Variants in MAVS observed in about 807,000 individuals in gnomAD.
MAVS encodes the protein mitochondrial antiviral signaling protein.
MAVS carries 20 observed loss-of-function variants against 30.2 expected under a neutral mutation model. That is an observed-to-expected ratio of 0.66 (90% CI 0.47 to 0.96). The LOEUF is 0.96. Among genes scored for constraint, MAVS ranks in the 40% least tolerant of loss-of-function variants. The pLI is 0.00. For missense variants in MAVS, 624 were observed against 701.1 expected (o/e 0.89, Z 1.24); for synonymous variants, 278 against 293.9 (o/e 0.95, Z 0.55).
At chr20:3,864,810 C>T in intron 6 of MAVS, 22 bp downstream of exon 6, 1 of 1,605,770 alleles carries the variant, frequency 6.2e-7, no homozygotes, top group South Asian at 1.1e-5. Flanking sequence ...CCCTTCCTGG[C>T]AGGGATCCTG....
chr20:3,874,117 C>T lies in MAVS; in HGVS notation c.*7970C>T. On this transcript the variant is annotated 3_prime_UTR_variant, in exon 7 of 7. Transcript: ENST00000428216. ...TGAATGAAAATATCGCTATGCACAG[C>T]AACATGGATAAATTTCACAGACATG... The T allele has an allele frequency of 2.5e-6, 1 of 398,610 alleles. No individual in the cohort carries two copies. Among genetic ancestry groups the T allele is most frequent in the Non-Finnish European group, 4.4e-6 (1 of 226,084 alleles). The allele number at this position is 398,610 out of a possible 1,614,324, so 24.7% of individuals were successfully genotyped here.
At chr20:3,855,819 C>T (rs2089804861) in intron 2 of MAVS, among the ~76,000 whole-genome samples, 1 of 151,966 alleles carries the variant, frequency 6.6e-6, no homozygotes, top group African/African-American at 2.4e-5. Flanking sequence ...CGCTGTGTTG[C>T]CCAGGCTGCA....
chr20:3,855,320 C>T (rs2089800743), intron 2 of MAVS, among the ~76,000 whole-genome samples: 1 of 152,266 alleles, frequency 6.6e-6, no homozygotes, highest in East Asian at 1.9e-4. Flanking sequence ...GGCTCTGGTC[C>T]ACTTGCCCAC....
Position 3,874,066 on chromosome 20 carries a change from C to A in MAVS, c.*7919C>A. 5.0e-6 allele frequency: 2 copies of A among 398,448 alleles called. No homozygotes were observed. The highest frequency in any genetic ancestry group is 2.6e-4 in the South Asian group (2 of 7,836). 24.7% of individuals were successfully genotyped at this position (398,448 alleles called of 1,614,324 possible). A position where few individuals can be genotyped will look rare whatever the true frequency, so the allele number is the denominator to read the frequency against. On this transcript the variant is annotated 3_prime_UTR_variant, in exon 7 of 7. Coordinates refer to ENST00000428216, the MANE Select transcript of MAVS (RefSeq NM_020746.5). ...TGAAGCTACAGTGAAGTCACAGGGT[C>A]GAATACTACTGCACAGCAACGAATA...
chr20:3,856,421 A>G (rs1168123238), intron 2 of MAVS, among the ~76,000 whole-genome samples: 3 of 128,380 alleles, frequency 2.3e-5, no homozygotes, highest in Non-Finnish European at 4.7e-5. Context: ...CAGTGGTGCC[A>G]TCTTGGGTCA....
Position 3,865,683 on chromosome 20 carries a change from G to A in MAVS, c.1159G>A (p.Glu387Lys), listed in dbSNP as rs763818201. Residue 387 changes from glutamate (E) to lysine (K), a missense_variant and splice_region_variant, in exon 7 of 7, where the codon GAG (glutamate) becomes AAG (lysine). Glu to Lys is a moderately conservative substitution (Grantham distance 56, BLOSUM62 1). Transcript: ENST00000428216. This position sits in a 1 kb window ranked among gnomAD's most constrained non-coding sequence, Gnocchi z 4.7. ...TCCAGTGCTCTCCTTTCTTTCCCAG[G>A]AGACCCCAGCAGCTCCAACACCCGC... ...VPTDGSSRNE[E>K]TPAAPTPAGA... 1 of 1,598,082 alleles carries A rather than the reference G, an allele frequency of 6.3e-7. No individual in the cohort carries two copies. The highest frequency in any genetic ancestry group is 8.5e-7 in the Non-Finnish European group (1 of 1,171,006).
intron 2 of MAVS, among the ~76,000 whole-genome samples, chr20:3,856,104 G>A (rs183987847): frequency 1.4e-5 from 2 of 147,924 alleles, no homozygotes; most frequent in Non-Finnish European, 3.0e-5. Flanking sequence ...GCCCAGGCTG[G>A]AGTGCAGTGG....
In MAVS at chr20:3,857,752, T is replaced by A. The variant is rs11908032; in HGVS notation, c.235T>A (p.Cys79Ser). 11,234 of 1,614,206 alleles carry A rather than the reference T, an allele frequency of 7.0e-3. 630 individuals carry two copies. In the African/African-American group the frequency reaches 0.13, roughly 19 times the overall value. Residue 79 changes from cysteine to serine, a missense_variant, in exon 3 of 7, where the codon TGT becomes AGT. Physicochemically the swap from Cys to Ser is moderately radical, Grantham distance 112. Transcript: ENST00000428216. ...VEYFIAALRG[C>S]ELVDLADEVA... ...GTACTTCATTGCGGCACTGAGGGGC[T>A]GTGAGCTAGTTGATCTCGCGGACGA... is the stretch of plus-strand genomic sequence containing the variant.
intron 1 of MAVS, among the ~76,000 whole-genome samples, chr20:3,848,247 T>TCACAC: frequency 6.6e-6 from 1 of 152,168 alleles, no homozygotes; most frequent in East Asian, 1.9e-4. Flanking sequence ...TACAGGTGTG[T>TCACAC]GCCACCATGC....
intron 2 of MAVS, 149 bp downstream of exon 2, chr20:3,854,890 T>TA: frequency 3.8e-5 from 18 of 471,832 alleles, no homozygotes; most frequent in Non-Finnish European, 5.7e-5. Context: ...TTGCTGCTTT[T>TA]CTTTTTTTTT....
Position 3,866,073 on chromosome 20 carries a change from T to C in MAVS, c.1549T>C (p.Trp517Arg). ...CCACAGGCCCTCACCTGGGGCTCTGTGGCTCCAGGTGGCTGTGACAGGGGT... is the reference window on the plus strand; with the variant it reads ...CCACAGGCCCTCACCTGGGGCTCTGCGGCTCCAGGTGGCTGTGACAGGGGT... ...PCHRPSPGAL[W>R]LQVAVTGVLV... The change falls in exon 7 of 7, where the codon TGG becomes CGG. Residue 517 changes from tryptophan (W) to arginine (R), a missense_variant. By Grantham distance (101) the Trp-to-Arg change is moderately radical (BLOSUM62 -3). Coordinates refer to ENST00000428216, the MANE Select transcript of MAVS (RefSeq NM_020746.5). The C allele has an allele frequency of 6.2e-7, 1 of 1,611,388 alleles. No individual in the cohort carries two copies. Among genetic ancestry groups the C allele is most frequent in the South Asian group, 1.1e-5 (1 of 91,058 alleles).
In MAVS at chr20:3,862,342, C is replaced by T. The variant is rs1464992894; in HGVS notation, c.554C>T (p.Ala185Val). ...CCCCTGGAGTCCTCCTCTGACCTGG[C>T]AGCCCTCAGCCCTCTGACCTCCAGC... ...GGPLESSSDL[A>V]ALSPLTSSGH... is the part of the protein sequence containing the mutation. The change falls in exon 5 of 7, where the codon GCA (alanine) becomes GTA (valine). Residue 185 changes from alanine to valine, a missense_variant. Transcript: ENST00000428216. 1 of 1,614,006 alleles carries T rather than the reference C, an allele frequency of 6.2e-7. No homozygotes were observed. Among genetic ancestry groups the T allele is most frequent in the Non-Finnish European group, 8.5e-7 (1 of 1,180,028 alleles).
Position 3,865,787 on chromosome 20 carries a change from T to G in MAVS, c.1263T>G (p.Pro421=). 1.2e-6 allele frequency: 2 copies of G among 1,613,824 alleles called. No individual in the cohort carries two copies. The highest frequency in any genetic ancestry group is 2.2e-5 in the South Asian group (2 of 91,088). The change falls in exon 7 of 7, where the codon CCT becomes CCG. Residue 421 remains proline (P), a synonymous_variant. Coordinates refer to ENST00000428216, the MANE Select transcript of MAVS (RefSeq NM_020746.5). The surrounding 1 kb of genome is among the most constrained non-coding windows in gnomAD (Gnocchi z 4.7). ...GCCTTGGGTCGGAGCTGAGTAAGCC[T>G]GGCGTGCTGGCATCCCAGGTAGACA... ...NRGLGSELSK[P]GVLASQVDSP...
intron 1 of MAVS, among the ~76,000 whole-genome samples, chr20:3,851,282 T>G (rs2089757526): frequency 6.6e-6 from 1 of 150,642 alleles, no homozygotes; most frequent in Non-Finnish European, 1.5e-5. Flanking sequence ...GAACCGAGAT[T>G]ACGCCACTGC....
At position 3,874,269 on chromosome 20, in the gene MAVS, C is replaced by T. The variant is rs1325310335; in HGVS notation, c.*8122C>T. On this transcript the variant is annotated 3_prime_UTR_variant, in exon 7 of 7. Transcript: ENST00000428216. ...TGTTAGAAGCCAGGGGAACAGTTAACAGGGGAGGGATACTGGGGAGGGGCA... is the reference window on the plus strand; with the variant it reads ...TGTTAGAAGCCAGGGGAACAGTTAATAGGGGAGGGATACTGGGGAGGGGCA... 1.5e-5 allele frequency: 6 copies of T among 398,360 alleles called. No individual in the cohort carries two copies. The Admixed American group carries it at 2.2e-4, about 15-fold the overall frequency. The allele number at this position is 398,360 out of a possible 1,614,324, so 24.7% of individuals were successfully genotyped here.
chr20:3,874,563 G>A lies in MAVS; in HGVS notation c.*8416G>A. 1 of 222,622 alleles carries A rather than the reference G, an allele frequency of 4.5e-6. No individual in the cohort carries two copies. The highest frequency in any genetic ancestry group is 8.8e-6 in the Non-Finnish European group (1 of 113,956). 13.8% of individuals were successfully genotyped at this position (222,622 alleles called of 1,614,324 possible). On this transcript the variant is annotated 3_prime_UTR_variant, in exon 7 of 7. Transcript: ENST00000428216. The stretch of plus-strand genomic sequence containing the variant: ...AGATTGTTGGCATGGGGACAGAGCG[G>A]ACTAACTGGAGGGGCATCTTTGGTT...
chr20:3,852,246 G>T (rs1261998048), intron 1 of MAVS, among the ~76,000 whole-genome samples: 1 of 151,844 alleles, frequency 6.6e-6, no homozygotes, highest in Non-Finnish European at 1.5e-5. Flanking sequence ...CACCCGCCTC[G>T]GCCTCCCAAA....
chr20:3,863,329 G>A (rs565047977), intron 5 of MAVS, among the ~76,000 whole-genome samples: 3 of 152,186 alleles, frequency 2.0e-5, no homozygotes, highest in East Asian at 3.9e-4. Context: ...TCCACATGAC[G>A]CTGGTGCCCA....
At chr20:3,854,776 G>T (rs1341603247) in intron 2 of MAVS, 35 bp downstream of exon 2, 24 of 1,477,924 alleles carry the variant, frequency 1.6e-5, no homozygotes, top group Non-Finnish European at 2.0e-5. Context: ...ACACTGGCCT[G>T]GGGGCAGGGC....
Sources: gnomAD v4.1 joint callset for allele counts (sites outside exome capture counted in the v4.1 genomes callset) on GRCh38, gnomAD v4.1.1 for gene constraint, Gnocchi (gnomAD v3.1) non-coding constraint, MANE v1.5 for transcripts, NCBI Gene and HGNC (gene_info 2026-07-23, HGNC 2026-07-21) for gene names.